PALM2AKAP2: variants seen among roughly 807,000 people sequenced by gnomAD.
PALM2AKAP2 encodes the protein PALM2 and AKAP2 fusion.
In PALM2AKAP2, 37 loss-of-function variants were observed where a neutral mutation model predicts 71.5. That is an observed-to-expected ratio of 0.52 (90% confidence interval 0.40 to 0.68). PALM2AKAP2 has a LOEUF of 0.68. Among genes scored for constraint, PALM2AKAP2 ranks in the 30% least tolerant of loss-of-function variants. The pLI, the probability that PALM2AKAP2 is intolerant of heterozygous loss-of-function variation, is 0.00. For missense variants in PALM2AKAP2, 1,224 were observed against 1,191.8 expected, an observed-to-expected ratio of 1.03 and a Z score of -0.40; for synonymous variants, 468 against 478.8, an observed-to-expected ratio of 0.98 and a Z score of 0.29.
chr9:110,166,221 T>C lies in PALM2AKAP2; in HGVS notation c.2749-2178T>C, dbSNP rs535500238. Among the ~76,000 whole-genome samples, 41 of 152,330 alleles carry C rather than the reference T, an allele frequency of 2.7e-4. No individual in the cohort carries two copies. The South Asian group carries it at 7.1e-3, about 26-fold the overall frequency. On this transcript the variant is annotated intron_variant, in intron 3 of 3. Transcript: ENST00000374525. ...CCTCATTGATTTATCCGTCCAACTT[T>C]ATGCTGTAGTTTTTATGATCCCCAT...
intron 2 of PALM2AKAP2, among the ~76,000 whole-genome samples, chr9:110,149,796 T>C (rs918081653): frequency 6.6e-6 from 1 of 152,170 alleles, no homozygotes; most frequent in African/African-American, 2.4e-5. Flanking sequence ...AATAATAATT[T>C]TTAAAAATAC....
At chr9:109,794,124 T>C (rs1827186332) in intron 1 of PALM2AKAP2, among the ~76,000 whole-genome samples, 1 of 152,170 alleles carries the variant, frequency 6.6e-6, no homozygotes, top group Non-Finnish European at 1.5e-5. Context: ...ATCTCAGACA[T>C]CCTTTTCACT....
chr9:109,881,685 G>A (rs1351116158), intron 3 of PALM2AKAP2, among the ~76,000 whole-genome samples: 4 of 152,016 alleles, frequency 2.6e-5, no homozygotes, highest in Admixed American at 1.3e-4. Flanking sequence ...GAGCAATAAT[G>A]TAGGTTTTTA....
Position 109,911,721 on chromosome 9 carries a change from T to C in PALM2AKAP2, c.258-12014T>C, listed in dbSNP as rs149771970. 3.4e-3 allele frequency among the ~76,000 whole-genome samples: 518 copies of C among 152,266 alleles called. 5 individuals are homozygous for C. Among genetic ancestry groups the C allele is most frequent in the African/African-American group, 0.012 (500 of 41,562 alleles). ...CACTATAGAATCCTTTAGAAGCATG[T>C]TCTTGGGTAGCTTTGCTTTTTATGC... On this transcript the variant is annotated intron_variant, in intron 3 of 9. Coordinates refer to the PALM2AKAP2 transcript ENST00000302798.
intron 1 of PALM2AKAP2, among the ~76,000 whole-genome samples, chr9:109,670,903 C>T (rs1435129954): frequency 6.6e-6 from 1 of 152,042 alleles, no homozygotes; most frequent in East Asian, 1.9e-4. Flanking sequence ...AATTGTTGGC[C>T]ACATGTATGT....
intron 3 of PALM2AKAP2, among the ~76,000 whole-genome samples, chr9:109,896,460 G>A (rs1438023075): frequency 1.3e-5 from 2 of 152,086 alleles, no homozygotes; most frequent in Non-Finnish European, 2.9e-5. Context: ...AAGGAAGGTG[G>A]CACTTAGATT....
intron 2 of PALM2AKAP2, among the ~76,000 whole-genome samples, chr9:109,870,540 T>C (rs941179532): frequency 2.0e-5 from 3 of 152,138 alleles, no homozygotes; most frequent in Admixed American, 2.0e-4. Flanking sequence ...ATACCCTCAA[T>C]AATGACCACA....
chr9:109,896,279 TTA>T (rs1194038409), intron 3 of PALM2AKAP2, among the ~76,000 whole-genome samples: 3 of 152,132 alleles, frequency 2.0e-5, no homozygotes, highest in African/African-American at 4.8e-5. Context: ...CATGATTCAA[TTA>T]CCTCCCCACC....
chr9:110,108,497 G>A (rs772501339), intron 1 of PALM2AKAP2, among the ~76,000 whole-genome samples: 5 of 152,114 alleles, frequency 3.3e-5, no homozygotes, highest in Non-Finnish European at 7.4e-5. Flanking sequence ...ATGGAATAGG[G>A]TAGTTATTCT....
At chr9:109,774,951 G>C (rs1829327872) in intron 1 of PALM2AKAP2, among the ~76,000 whole-genome samples, 1 of 152,134 alleles carries the variant, frequency 6.6e-6, no homozygotes. Context: ...GTCATTAACA[G>C]GACTACCACT....
At chr9:109,815,412 T>C (rs769160689) in intron 1 of PALM2AKAP2, among the ~76,000 whole-genome samples, 1 of 152,164 alleles carries the variant, frequency 6.6e-6, no homozygotes, top group Non-Finnish European at 1.5e-5. Flanking sequence ...CTGCATCAAA[T>C]AGTAACTTTA....
intron 6 of PALM2AKAP2, among the ~76,000 whole-genome samples, chr9:109,952,934 T>C (rs1369226074): frequency 6.6e-6 from 1 of 152,204 alleles, no homozygotes; most frequent in Non-Finnish European, 1.5e-5. Flanking sequence ...TGGAAGTAGA[T>C]GACAAATGTT....
At chr9:110,124,295 C>G (rs1372618222) in intron 1 of PALM2AKAP2, among the ~76,000 whole-genome samples, 1 of 152,262 alleles carries the variant, frequency 6.6e-6, no homozygotes, top group East Asian at 1.9e-4. Context: ...CTCACCAGGA[C>G]AAACTGCTCT....
chr9:110,118,705 T>C (rs990612387), intron 1 of PALM2AKAP2, among the ~76,000 whole-genome samples: 1 of 152,214 alleles, frequency 6.6e-6, no homozygotes, highest in African/African-American at 2.4e-5. Flanking sequence ...ATTCTAACAT[T>C]GGAAAGGTGT....
At chr9:110,026,988 A>G (rs1260862958) in intron 7 of PALM2AKAP2, among the ~76,000 whole-genome samples, 5 of 152,188 alleles carry the variant, frequency 3.3e-5, no homozygotes, top group African/African-American at 1.2e-4. Context: ...GGTTGCAGTG[A>G]GCCGAGATCG....
intron 2 of PALM2AKAP2, among the ~76,000 whole-genome samples, chr9:110,154,529 A>C (rs1423400529): frequency 6.6e-6 from 1 of 152,196 alleles, no homozygotes; most frequent in Non-Finnish European, 1.5e-5. Flanking sequence ...AATCTTGATA[A>C]ATGTTTACTC....
At chr9:109,890,082 T>G (rs1830052079) in intron 3 of PALM2AKAP2, among the ~76,000 whole-genome samples, 1 of 152,212 alleles carries the variant, frequency 6.6e-6, no homozygotes, top group African/African-American at 2.4e-5. Context: ...TTCCAACCGT[T>G]CTACATTCTT....
chr9:109,791,198 G>A (rs1357116337), intron 1 of PALM2AKAP2, among the ~76,000 whole-genome samples: 1 of 152,186 alleles, frequency 6.6e-6, no homozygotes, highest in Non-Finnish European at 1.5e-5. Flanking sequence ...ATTTACACTG[G>A]AGTGAGAATG....
Position 109,792,327 on chromosome 9 carries a change from A to G in PALM2AKAP2, c.45+11794A>G, listed in dbSNP as rs187465796. On this transcript the variant is annotated intron_variant, in intron 1 of 9. Transcript: ENST00000302798. ...TTAATTTGGAAGACTGGGTCTCGCTATGTTGCTCAGGTTGGTCCTGAACTC... is the reference window on the plus strand; with the variant it reads ...TTAATTTGGAAGACTGGGTCTCGCTGTGTTGCTCAGGTTGGTCCTGAACTC... 1.1e-4 allele frequency among the ~76,000 whole-genome samples: 17 copies of G among 152,322 alleles called. No homozygotes were observed. The East Asian group carries it at 2.3e-3, about 21-fold the overall frequency.
Sources: allele counts gnomAD v4.1 joint callset (sites outside exome capture counted in the v4.1 genomes callset), GRCh38; gene constraint gnomAD v4.1.1; transcripts MANE v1.5; gene names NCBI Gene and HGNC (gene_info 2026-07-23, HGNC 2026-07-21).